The following SF1 variants were observed in gnomAD, a reference collection of about 807,000 sequenced individuals.
The protein encoded by SF1 is branch point-binding protein.
A neutral mutation model predicts 62.5 loss-of-function variants in SF1; 7 were observed. The observed-to-expected ratio is 0.11, with a 90% CI of 0.06 to 0.21. The LOEUF is 0.21. Ranked by LOEUF, SF1 falls within the 10% of genes least tolerant of loss-of-function variation. The pLI is 1.00. For missense variants in SF1, 578 were observed against 884.0 expected (o/e 0.65, Z 4.39); for synonymous variants, 394 against 323.6 (o/e 1.22, Z -2.33).
At chr11:64,766,862 TCCCACCCACCCCCAC>T in intron 12 of SF1, 23 bp downstream of exon 12, 4 of 248,360 alleles carry the variant, frequency 1.6e-5, no homozygotes, top group Non-Finnish European at 3.1e-5. Context: ...CCCACCCCCA[TCCCACCCACCCCCAC>T]AAGCCCAAAA....
chr11:64,767,537 AG>A, intron 10 of SF1, 33 bp downstream of exon 10: 1 of 1,521,730 alleles, frequency 6.6e-7, no homozygotes, highest in Non-Finnish European at 8.8e-7. Flanking sequence ...CTTATCCCAA[AG>A]CCCCCAAGGT....
At chr11:64,768,933 G>A (rs1333599800) in intron 8 of SF1, 89 bp downstream of exon 8, 3 of 877,688 alleles carry the variant, frequency 3.4e-6, no homozygotes, top group South Asian at 2.6e-5. Flanking sequence ...TGTTTCTCTT[G>A]GTAAGATTAA....
At position 64,765,393 on chromosome 11, in the gene SF1, G is replaced by A. The variant is rs201033322; in HGVS notation, c.*425C>T. 4.8e-5 allele frequency: 58 copies of A among 1,216,340 alleles called. No individual in the cohort carries two copies. Among genetic ancestry groups the A allele is most frequent in the Non-Finnish European group, 6.2e-5 (51 of 826,890 alleles). 75.3% of individuals were successfully genotyped at this position (1,216,340 alleles called of 1,614,324 possible). Reference sequence around the variant, plus strand: ...GATTCCGTCCACAAAAATAACTCAGGCTGCTTTGCCGAACCATCCTGTCCA... The same window carrying A: ...GATTCCGTCCACAAAAATAACTCAGACTGCTTTGCCGAACCATCCTGTCCA... On this transcript the variant is annotated 3_prime_UTR_variant, in exon 13 of 13. Coordinates refer to ENST00000377390, the MANE Select transcript of SF1 (RefSeq NM_004630.4).
At chr11:64,778,303 C>T (rs1939745711) in intron 1 of SF1, 59 bp downstream of exon 1, 22 of 1,221,190 alleles carry the variant, frequency 1.8e-5, no homozygotes, top group Non-Finnish European at 2.1e-5. Context: ...GCGGAGGGCC[C>T]GGCTCGAAGC....
intron 5 of SF1, 166 bp downstream of exon 5, chr11:64,769,798 T>TG: frequency 2.8e-6 from 2 of 723,826 alleles, no homozygotes; most frequent in South Asian, 3.6e-5. Flanking sequence ...TCCGCACTAG[T>TG]GGGGAAGTTA....
intron 3 of SF1, chr11:64,771,789 A>G: frequency 1.0e-6 from 1 of 985,156 alleles, no homozygotes; most frequent in Non-Finnish European, 1.2e-6. Context: ...ATAACAATAA[A>G]GTGGCTTAAG....
intron 1 of SF1, chr11:64,778,096 C>T (rs1939673229): frequency 6.5e-6 from 6 of 922,594 alleles, no homozygotes; most frequent in Non-Finnish European, 7.8e-6. Flanking sequence ...GGGGCGGCTG[C>T]GGCGGCGGGT....
At chr11:64,778,205 A>C (rs1367667219) in intron 1 of SF1, 157 bp downstream of exon 1, 17 of 1,093,226 alleles carry the variant, frequency 1.6e-5, no homozygotes, top group Non-Finnish European at 1.1e-6. Flanking sequence ...CGCGAAGGGG[A>C]AGGCCGCGGT....
chr11:64,774,829 C>T (rs940745159), intron 2 of SF1, among the ~76,000 whole-genome samples: 18 of 151,920 alleles, frequency 1.2e-4, no homozygotes, highest in African/African-American at 3.9e-4. Flanking sequence ...GGCATGGTGG[C>T]GTGCGCCTGT....
At chr11:64,775,214 G>A (rs892373895) in intron 2 of SF1, among the ~76,000 whole-genome samples, 4 of 152,124 alleles carry the variant, frequency 2.6e-5, no homozygotes, top group Admixed American at 6.6e-5. Flanking sequence ...CTTCTGTGGA[G>A]AACTACACCT....
chr11:64,778,005 G>A (rs1183379010), intron 1 of SF1: 14 of 1,001,048 alleles, frequency 1.4e-5, no homozygotes, highest in African/African-American at 1.7e-5. Flanking sequence ...CCGCCGGCCG[G>A]GCCCGGCTGC....
In SF1 at chr11:64,770,419, C is replaced by CA. The variant is rs1938123542; in HGVS notation, c.237-12dup. On this transcript the variant is annotated splice_polypyrimidine_tract_variant and intron_variant, in intron 3 of 12. Coordinates refer to ENST00000377390, the MANE Select transcript of SF1 (RefSeq NM_004630.4). Reference sequence around the variant, plus strand: ...TCAGGGGAAGGGGACCTGTGGGAAACAGACTCCCGTTTACTATTCTGCACC... The same window carrying CA: ...TCAGGGGAAGGGGACCTGTGGGAAACAAGACTCCCGTTTACTATTCTGCACC... The CA allele has an allele frequency of 1.2e-6, 2 of 1,609,416 alleles. No homozygotes were observed. The highest frequency in any genetic ancestry group is 1.1e-5 in the South Asian group (1 of 91,014).
At position 64,770,283 on chromosome 11, in the gene SF1, G is replaced by A. The variant is rs1427209395; in HGVS notation, c.362C>T (p.Pro121Leu). Residue 121 changes from proline to leucine, a missense_variant, in exon 4 of 13, where the codon CCG becomes CTG. Pro to Leu is a moderately conservative substitution (Grantham distance 98). Coordinates refer to ENST00000377390, the MANE Select transcript of SF1 (RefSeq NM_004630.4). ...GTAATCTGCAGGTGGCTTGAAATCC[G>A]GATTGAGTGCAACCATCTCTGTGAT... ...NLITEMVALNPDFKPPADYKP... is the reference protein window; with the variant it reads ...NLITEMVALNLDFKPPADYKP... The A allele has an allele frequency of 6.2e-7, 1 of 1,613,156 alleles. No homozygotes were observed. The highest frequency in any genetic ancestry group is 1.3e-5 in the African/African-American group (1 of 74,894).
chr11:64,772,878 C>T (rs1473599836), intron 3 of SF1: 9 of 986,076 alleles, frequency 9.1e-6, no homozygotes, highest in Non-Finnish European at 1.1e-5. Flanking sequence ...CCTCCCAACA[C>T]CCCCAAGGCA....
At chr11:64,766,228 A>T in intron 12 of SF1, 73 bp from the exon 13 acceptor site, 1 of 880,504 alleles carries the variant, frequency 1.1e-6, no homozygotes, top group Non-Finnish European at 1.5e-6. Context: ...CTGCCTTGGG[A>T]TGGGGGCGAG....
rs1937823007 is a variant in SF1, at chr11:64,768,932, T to G, written c.887+90A>C. On this transcript the variant is annotated intron_variant, in intron 8 of 12. Coordinates refer to ENST00000377390, the MANE Select transcript of SF1 (RefSeq NM_004630.4). ...ACACTAACAGAAAGGATGTTTCTCT[T>G]GGTAAGATTAACAGCAACCAATGAA... 3 of 877,456 alleles carry G rather than the reference T, an allele frequency of 3.4e-6. No homozygotes were observed. In the Admixed American group the frequency reaches 5.1e-5, roughly 15 times the overall value. 54.4% of individuals were successfully genotyped at this position (877,456 alleles called of 1,614,324 possible). A position where few individuals can be genotyped will look rare whatever the true frequency, so the allele number is the denominator to read the frequency against.
intron 1 of SF1, chr11:64,777,778 C>T: frequency 2.1e-6 from 2 of 953,188 alleles, no homozygotes; most frequent in Non-Finnish European, 2.5e-6. Context: ...AGAGCGCCTC[C>T]CGCCCGCCCA....
chr11:64,774,839 T>C (rs757320382), intron 2 of SF1, among the ~76,000 whole-genome samples: 17 of 151,746 alleles, frequency 1.1e-4, no homozygotes, highest in Non-Finnish European at 2.4e-4. Flanking sequence ...CGTGCGCCTG[T>C]AGTCCCAGCT....
At chr11:64,769,672 C>A in intron 5 of SF1, 63 bp from the exon 6 acceptor site, 2 of 1,477,742 alleles carry the variant, frequency 1.4e-6, no homozygotes, top group Non-Finnish European at 1.8e-6. Context: ...GGAAGAGAGG[C>A]TGGACCAATT....
Sources: gnomAD v4.1 joint callset for allele counts (sites outside exome capture counted in the v4.1 genomes callset) on GRCh38, gnomAD v4.1.1 for gene constraint, MANE v1.5 for transcripts, NCBI Gene and HGNC (gene_info 2026-07-23, HGNC 2026-07-21) for gene names.